Variants in STPG2 observed in about 807,000 individuals in gnomAD.
The protein encoded by STPG2 is sperm tail PG-rich repeat containing 2.
In STPG2, 56 loss-of-function variants were observed where a neutral mutation model predicts 54.2. That is an observed-to-expected ratio of 1.03 (90% confidence interval 0.83 to 1.29). The LOEUF (loss-of-function observed/expected upper bound fraction) is 1.29. Ranked by LOEUF, STPG2 falls within the 50% of genes most tolerant of loss-of-function variation. The probability of loss-of-function intolerance (pLI) is 0.00; values close to 1 mark genes in which losing one functional copy is unlikely to be tolerated. For synonymous variants in STPG2, 200 were observed against 181.8 expected (o/e 1.10, Z -0.81); for missense variants, 596 against 544.9 (o/e 1.09, Z -0.93).
intron 8 of STPG2, among the ~76,000 whole-genome samples, chr4:97,861,956 C>T (rs1290330826): frequency 6.6e-6 from 1 of 151,954 alleles, no homozygotes; most frequent in Non-Finnish European, 1.5e-5. Flanking sequence ...TGGTACCAGC[C>T]ACTGCAAAAA....
At chr4:98,115,278 C>A (rs1162123019) in intron 3 of STPG2, among the ~76,000 whole-genome samples, 1 of 151,964 alleles carries the variant, frequency 6.6e-6, no homozygotes, top group African/African-American at 2.4e-5. Context: ...TGGCAGCACA[C>A]AGGTAGTTCC....
intron 9 of STPG2, among the ~76,000 whole-genome samples, chr4:97,752,411 T>C (rs761140622): frequency 6.6e-5 from 10 of 151,748 alleles, no homozygotes; most frequent in Non-Finnish European, 1.5e-4. Context: ...TTTTGTTAGA[T>C]TTAGGAAGAG....
chr4:97,502,701 A>T (rs1334647792), intron 4 of STPG2, among the ~76,000 whole-genome samples: 1 of 151,994 alleles, frequency 6.6e-6, no homozygotes. Context: ...AAAAAAAAAT[A>T]GAGTTGCAAG....
At chr4:97,698,046 C>G (rs1480793871) in intron 10 of STPG2, among the ~76,000 whole-genome samples, 1 of 152,178 alleles carries the variant, frequency 6.6e-6, no homozygotes, top group Non-Finnish European at 1.5e-5. Flanking sequence ...CCACTCCACA[C>G]TCTATATTTC....
intron 10 of STPG2, among the ~76,000 whole-genome samples, chr4:97,595,620 G>T (rs1436949720): frequency 6.7e-6 from 1 of 149,356 alleles, no homozygotes; most frequent in African/African-American, 2.5e-5. Flanking sequence ...AACAAAAAAA[G>T]AAAAAAAAAG....
At chr4:97,478,362 A>T (rs1056263815) in intron 4 of STPG2, among the ~76,000 whole-genome samples, 3 of 152,182 alleles carry the variant, frequency 2.0e-5, no homozygotes, top group African/African-American at 7.2e-5. Context: ...GCTTAGGAGT[A>T]AATTAAGACT....
At chr4:97,490,907 G>A (rs1474033754) in intron 4 of STPG2, among the ~76,000 whole-genome samples, 1 of 151,554 alleles carries the variant, frequency 6.6e-6, no homozygotes. Context: ...AAGTAAATAT[G>A]TAGCTAAACC....
At chr4:98,117,792 C>T (rs1739563755) in intron 3 of STPG2, among the ~76,000 whole-genome samples, 1 of 152,014 alleles carries the variant, frequency 6.6e-6, no homozygotes, top group Non-Finnish European at 1.5e-5. Context: ...ATTTCTATCT[C>T]TTTATTGATG....
intron 9 of STPG2, among the ~76,000 whole-genome samples, chr4:97,759,473 T>C (rs1725826221): frequency 6.6e-6 from 1 of 151,942 alleles, no homozygotes; most frequent in Non-Finnish European, 1.5e-5. Flanking sequence ...ATAATCCAGG[T>C]GGTGAGATAT....
At chr4:97,950,468 A>G (rs116817951) in intron 7 of STPG2, among the ~76,000 whole-genome samples, 2,525 of 152,202 alleles carry the variant, frequency 0.017, 71 homozygotes, top group African/African-American at 0.057. Context: ...TCTTTAAAAT[A>G]TGTATCTCTT....
chr4:97,707,666 T>C (rs1200010306), intron 10 of STPG2, among the ~76,000 whole-genome samples: 2 of 152,074 alleles, frequency 1.3e-5, no homozygotes, highest in Non-Finnish European at 2.9e-5. Flanking sequence ...CTGGTGGGCA[T>C]CAATAAGGGC....
chr4:97,516,849 A>AATATATAT (rs61425012), intron 4 of STPG2, among the ~76,000 whole-genome samples: 2 of 149,044 alleles, frequency 1.3e-5, no homozygotes, highest in South Asian at 4.3e-4. Context: ...CAACAACAAC[A>AATATATAT]ATATATATAT....
At chr4:97,475,701 C>T (rs1384098703) in intron 4 of STPG2, among the ~76,000 whole-genome samples, 1 of 152,034 alleles carries the variant, frequency 6.6e-6, no homozygotes, top group Non-Finnish European at 1.5e-5. Context: ...TTGCTCTGCT[C>T]TCCCCTAACA....
chr4:97,676,067 T>C (rs1303903359), intron 10 of STPG2, among the ~76,000 whole-genome samples: 2 of 147,066 alleles, frequency 1.4e-5, no homozygotes, highest in Non-Finnish European at 3.0e-5. Flanking sequence ...ATACTAAATA[T>C]ATACTATAGT....
At chr4:97,743,008 T>A (rs1338975654) in intron 9 of STPG2, among the ~76,000 whole-genome samples, 2 of 151,766 alleles carry the variant, frequency 1.3e-5, no homozygotes, top group East Asian at 3.9e-4. Flanking sequence ...AACATCATGT[T>A]GTATACCTTA....
intron 4 of STPG2, among the ~76,000 whole-genome samples, chr4:97,546,705 A>C (rs1731841322): frequency 6.6e-6 from 1 of 152,224 alleles, no homozygotes; most frequent in Non-Finnish European, 1.5e-5. Flanking sequence ...AATCTTATAA[A>C]GGAAATAGAT....
chr4:97,898,339 T>TA (rs1302732255), intron 8 of STPG2, among the ~76,000 whole-genome samples: 1 of 151,294 alleles, frequency 6.6e-6, no homozygotes, highest in Non-Finnish European at 1.5e-5. Context: ...TTATAAATTT[T>TA]AAAAAATCTT....
chr4:97,691,184 T>C (rs1225093148), intron 10 of STPG2, among the ~76,000 whole-genome samples: 1 of 152,100 alleles, frequency 6.6e-6, no homozygotes, highest in South Asian at 2.1e-4. Context: ...AGGAGGTGGA[T>C]TGCCACTGCA....
intron 7 of STPG2, among the ~76,000 whole-genome samples, chr4:97,955,659 G>T (rs1733649386): frequency 6.6e-6 from 1 of 151,994 alleles, no homozygotes; most frequent in Non-Finnish European, 1.5e-5. Flanking sequence ...ACCGATAAAG[G>T]ACATAAACCC....
Sources: gnomAD v4.1 joint callset for allele counts (sites outside exome capture counted in the v4.1 genomes callset) on GRCh38, gnomAD v4.1.1 for gene constraint, MANE v1.5 for transcripts, NCBI Gene and HGNC (gene_info 2026-07-23, HGNC 2026-07-21) for gene names.